The following DMD variants were observed in gnomAD, a reference collection of about 807,000 sequenced individuals.
DMD encodes the protein mutant dystrophin.
DMD carries 63 observed loss-of-function variants against 330.1 expected under a neutral mutation model. The ratio of observed to expected loss-of-function variants is 0.19; its 90% CI spans 0.16 to 0.24. The LOEUF (loss-of-function observed/expected upper bound fraction) is 0.24, where lower values mean the gene tolerates loss of function less well. DMD is among the 10% of genes least tolerant of loss of function. The pLI, the probability that DMD is intolerant of heterozygous loss-of-function variation, is 1.00. For missense variants in DMD, 3,344 were observed against 2,684.1 expected (o/e 1.25, Z -5.43); for synonymous variants, 1,223 against 959.8 (o/e 1.27, Z -5.07).
intron 2 of DMD, among the ~76,000 whole-genome samples, chrX:32,944,947 A>G (rs2090698580): frequency 9.0e-6 from 1 of 111,124 alleles, no homozygotes; most frequent in African/African-American, 3.3e-5. Context: ...ACATGGGCAA[A>G]TGACCTTTCA....
At chrX:31,874,118 C>T (rs1603512077) in intron 48 of DMD, among the ~76,000 whole-genome samples, 1 of 111,801 alleles carries the variant, frequency 8.9e-6, no homozygotes, top group East Asian at 2.8e-4. Context: ...GGGATTCTAA[C>T]TCTACTTGGG....
chrX:32,854,489 A>G (rs1257662386), intron 2 of DMD, among the ~76,000 whole-genome samples: 1 of 110,571 alleles, frequency 9.0e-6, no homozygotes, highest in Non-Finnish European at 1.9e-5. Context: ...TCTTGAAACA[A>G]AACTGTAAAC....
chrX:31,885,611 C>CAAAAAAAAAAAA (rs762289533), intron 47 of DMD, among the ~76,000 whole-genome samples: 30 of 52,309 alleles, frequency 5.7e-4, no homozygotes, highest in Non-Finnish European at 7.6e-4. Flanking sequence ...CTCCGTCTCA[C>CAAAAAAAAAAAA]AAAAAAAAAA....
chrX:33,011,236 A>G (rs747973464), intron 2 of DMD, among the ~76,000 whole-genome samples: 2 of 111,409 alleles, frequency 1.8e-5, no homozygotes, highest in East Asian at 5.7e-4. Context: ...TAACATGACT[A>G]AGCCATTATC....
At chrX:31,523,625 T>C (rs2073032176) in intron 55 of DMD, among the ~76,000 whole-genome samples, 1 of 111,701 alleles carries the variant, frequency 9.0e-6, no homozygotes, top group Non-Finnish European at 1.9e-5. Context: ...AACCTGCCAT[T>C]CACTTGGGAA....
chrX:33,178,098 G>T (rs959729278), intron 1 of DMD, among the ~76,000 whole-genome samples: 1 of 112,157 alleles, frequency 8.9e-6, no homozygotes, highest in African/African-American at 3.2e-5. Context: ...TTGAAACAAA[G>T]CTTTCAACTC....
intron 44 of DMD, among the ~76,000 whole-genome samples, chrX:32,190,551 T>TAG (rs1491203964): frequency 4.0e-4 from 3 of 7,583 alleles, no homozygotes; most frequent in East Asian, 5.8e-3. Context: ...TTTAAAATTT[T>TAG]ATATATATAT....
At chrX:31,314,021 G>A (rs1413156373) in intron 62 of DMD, among the ~76,000 whole-genome samples, 3 of 110,869 alleles carry the variant, frequency 2.7e-5, no homozygotes, top group Non-Finnish European at 5.7e-5. Context: ...CTTTGGTAGA[G>A]ATGGGGTTTC....
intron 51 of DMD, among the ~76,000 whole-genome samples, chrX:31,772,419 TA>T (rs2090394771): frequency 1.8e-5 from 2 of 111,938 alleles, no homozygotes; most frequent in South Asian, 7.5e-4. Context: ...CTTTGGTAAA[TA>T]AAAGTCCTGG....
At chrX:32,231,359 TA>T (rs1461743454) in intron 43 of DMD, among the ~76,000 whole-genome samples, 1 of 111,918 alleles carries the variant, frequency 8.9e-6, no homozygotes, top group Non-Finnish European at 1.9e-5. Flanking sequence ...GGAGTATGAA[TA>T]AAAAATAGAA....
intron 19 of DMD, among the ~76,000 whole-genome samples, chrX:32,493,135 A>C (rs2043163735): frequency 1.8e-5 from 2 of 111,818 alleles, no homozygotes; most frequent in African/African-American, 3.3e-5. Flanking sequence ...AAAGACTAAA[A>C]AAAATATAGA....
At chrX:31,250,846 G>T (rs2049278311) in intron 63 of DMD, among the ~76,000 whole-genome samples, 1 of 111,053 alleles carries the variant, frequency 9.0e-6, no homozygotes, top group Non-Finnish European at 1.9e-5. Flanking sequence ...CAGTTTGGGA[G>T]GCGGAGGCTG....
At chrX:31,519,504 C>G (rs1182482182) in intron 55 of DMD, among the ~76,000 whole-genome samples, 1 of 111,915 alleles carries the variant, frequency 8.9e-6, no homozygotes, top group Non-Finnish European at 1.9e-5. Flanking sequence ...TAAATGCAAA[C>G]AACAACTTCA....
At chrX:32,653,461 T>C (rs1006704383) in intron 9 of DMD, among the ~76,000 whole-genome samples, 27 of 111,906 alleles carry the variant, frequency 2.4e-4, no homozygotes, top group South Asian at 3.7e-4. Flanking sequence ...AAAGATCAGA[T>C]AGTAGTAGAT....
chrX:32,754,053 G>T (rs2071171843), intron 7 of DMD, among the ~76,000 whole-genome samples: 1 of 111,307 alleles, frequency 9.0e-6, no homozygotes. Context: ...CTTTGCTGAT[G>T]TTATGTAAGG....
intron 78 of DMD, among the ~76,000 whole-genome samples, chrX:31,126,074 G>C (rs1378282807): frequency 9.0e-6 from 1 of 111,581 alleles, no homozygotes; most frequent in Non-Finnish European, 1.9e-5. Flanking sequence ...TCACAGGTTT[G>C]TCATGAAGAT....
At chrX:31,703,827 T>TA (rs200332260) in intron 52 of DMD, among the ~76,000 whole-genome samples, 6,113 of 108,650 alleles carry the variant, frequency 0.056, 359 homozygotes, top group Admixed American at 0.26. Context: ...AGAGGAATAA[T>TA]AAAAAAAAAG....
intron 57 of DMD, among the ~76,000 whole-genome samples, chrX:31,495,953 T>G (rs1286454876): frequency 8.9e-6 from 1 of 112,373 alleles, no homozygotes; most frequent in Non-Finnish European, 1.9e-5. Flanking sequence ...AACATCTGGC[T>G]ACTGAGTACT....
chrX:31,772,033 C>T (rs2090373048), intron 51 of DMD, among the ~76,000 whole-genome samples: 1 of 111,883 alleles, frequency 8.9e-6, no homozygotes, highest in South Asian at 3.7e-4. Flanking sequence ...GTAGACTAGG[C>T]TACAGAAGCG....
Sources: gnomAD v4.1 joint callset for allele counts (sites outside exome capture counted in the v4.1 genomes callset) on GRCh38, gnomAD v4.1.1 for gene constraint, MANE v1.5 for transcripts, NCBI Gene and HGNC (gene_info 2026-07-23, HGNC 2026-07-21) for gene names.